Variants in PCDHGB5 observed in about 807,000 individuals in gnomAD.
PCDHGB5 encodes the protein protocadherin gamma subfamily B, 5.
Under a neutral mutation model 62.9 loss-of-function variants are expected in PCDHGB5, and 48 were observed. That is an observed-to-expected ratio of 0.76 (90% confidence interval 0.61 to 0.97). The LOEUF is 0.97. Ranked by LOEUF, PCDHGB5 falls within the 50% of genes least tolerant of loss-of-function variation. PCDHGB5 has a pLI of 0.00. For missense variants in PCDHGB5, 1,118 were observed against 1,198.6 expected (o/e 0.93, Z 0.99); for synonymous variants, 474 against 511.2 (o/e 0.93, Z 0.98).
intron 1 of PCDHGB5, chr5:141,403,769 A>G (rs2094453064): frequency 6.2e-7 from 1 of 1,613,948 alleles, no homozygotes; most frequent in Non-Finnish European, 8.5e-7. Context: ...GGATGAGGGA[A>G]TCAACGGAAA....
chr5:141,457,079 C>T (rs114054058), intron 1 of PCDHGB5, among the ~76,000 whole-genome samples: 2,973 of 152,194 alleles, frequency 0.02, 43 homozygotes, highest in African/African-American at 0.029. Flanking sequence ...AACTATTATC[C>T]CTGCTATAAG....
chr5:141,468,315 C>T (rs1197043569), intron 1 of PCDHGB5: 4 of 120,552 alleles, frequency 3.3e-5, no homozygotes, highest in Non-Finnish European at 5.0e-5. Context: ...ACAAGAGCAA[C>T]GGTAAACTCC....
intron 1 of PCDHGB5, chr5:141,422,833 C>G (rs2096676817): frequency 6.2e-7 from 1 of 1,614,106 alleles, no homozygotes; most frequent in African/African-American, 1.3e-5. Flanking sequence ...AGTGATAGCA[C>G]GTGACAGCGG....
chr5:141,491,322 C>T lies in PCDHGB5; in HGVS notation c.2398-3485C>T. 6.2e-7 allele frequency: 1 copy of T among 1,614,156 alleles called. No individual in the cohort carries two copies. Among genetic ancestry groups the T allele is most frequent in the East Asian group, 2.2e-5 (1 of 44,860 alleles). On this transcript the variant is annotated intron_variant, in intron 1 of 3. Coordinates refer to ENST00000617380, the MANE Select transcript of PCDHGB5 (RefSeq NM_018925.3). This position sits in a 1 kb window ranked among gnomAD's most constrained non-coding sequence, Gnocchi z 6.9. ...AGCGTTCAGACCTTACCCTTTACCT[C>T]ATTGTGGCTCTAGCGACCGTCAGTC...
chr5:141,416,728 T>C (rs2096057160), intron 1 of PCDHGB5: 1 of 152,232 alleles, frequency 6.6e-6, no homozygotes, highest in Non-Finnish European at 1.5e-5. Context: ...GTTCATTTAG[T>C]TCAATGAAAA....
At chr5:141,501,550 A>G (rs1251701030) in intron 2 of PCDHGB5, among the ~76,000 whole-genome samples, 3 of 152,078 alleles carry the variant, frequency 2.0e-5, no homozygotes, top group Non-Finnish European at 4.4e-5. Flanking sequence ...ATAAGATCAT[A>G]GGCCCTGGAA....
intron 1 of PCDHGB5, chr5:141,423,138 C>G (rs767107885): frequency 1.2e-6 from 2 of 1,613,606 alleles, no homozygotes; most frequent in Non-Finnish European, 1.7e-6. Flanking sequence ...TGGACAGAGA[C>G]GCGCTCAAGC....
rs144585584 is a variant in PCDHGB5 at position 141,478,339 on chromosome 5, C to T, written c.2398-16468C>T. 998 of 1,613,918 alleles carry T rather than the reference C, an allele frequency of 6.2e-4. 16 individuals carry two copies. In the East Asian group the frequency reaches 0.019, roughly 31 times the overall value. Reference sequence around the variant, plus strand: ...CACTGTACCGAACACCAGGGCCCTCCTTGCACGCGGACGCCGTGCGGGGAG... The same window carrying T: ...CACTGTACCGAACACCAGGGCCCTCTTTGCACGCGGACGCCGTGCGGGGAG... On this transcript the variant is annotated intron_variant, in intron 1 of 3. Transcript: ENST00000617380.
intron 1 of PCDHGB5, among the ~76,000 whole-genome samples, chr5:141,457,920 C>T (rs1340816332): frequency 6.6e-6 from 1 of 150,868 alleles, no homozygotes; most frequent in Non-Finnish European, 1.5e-5. Flanking sequence ...GCCAGTTCTC[C>T]CCAAGGGGCT....
rs1233148754 is a variant in PCDHGB5, at chr5:141,428,157, T to A, written c.2397+27633T>A. ...CCTGGGGCTGCACACGGGAACCTGC[T>A]GGTTGCTGTGCGTGACGGAGGACAG... On this transcript the variant is annotated intron_variant, in intron 1 of 3. Coordinates refer to ENST00000617380, the MANE Select transcript of PCDHGB5 (RefSeq NM_018925.3). The A allele has an allele frequency of 4.4e-6, 7 of 1,575,024 alleles. No individual in the cohort carries two copies. The East Asian group carries it at 1.6e-4, about 35-fold the overall frequency.
chr5:141,436,594 G>A (rs79477223), intron 1 of PCDHGB5, among the ~76,000 whole-genome samples: 2 of 152,106 alleles, frequency 1.3e-5, no homozygotes, highest in African/African-American at 2.4e-5. Flanking sequence ...AAAGGTCGTG[G>A]TGATGGCTAG....
intron 2 of PCDHGB5, among the ~76,000 whole-genome samples, chr5:141,498,338 G>T (rs2237079): frequency 2.6e-5 from 4 of 151,600 alleles, no homozygotes; most frequent in Non-Finnish European, 5.9e-5. Flanking sequence ...CATTCCAAAT[G>T]GGAAAAGCCT....
Position 141,511,089 on chromosome 5 carries a change from C to T in PCDHGB5, c.2688C>T (p.Thr896=). The change falls in exon 4 of 4, where the codon ACC becomes ACT. Residue 896 remains threonine (T), a synonymous_variant. Transcript: ENST00000617380. ...TCCCAGGCAGCAATGCCACACTGAC[C>T]AACGCAGCTGGCAAGCGGGATGGCA... is the stretch of plus-strand genomic sequence containing the variant. ...VYIPGSNATL[T]NAAGKRDGKA... 1 of 1,614,212 alleles carries T rather than the reference C, an allele frequency of 6.2e-7. No individual in the cohort carries two copies. Among genetic ancestry groups the T allele is most frequent in the Non-Finnish European group, 8.5e-7 (1 of 1,180,026 alleles).
At chr5:141,420,268 T>C (rs375162019) in intron 1 of PCDHGB5, 254 of 1,543,666 alleles carry the variant, frequency 1.6e-4, no homozygotes, top group Non-Finnish European at 2.1e-4. Context: ...AGAAGATTCT[T>C]AAACAGGTAA....
intron 2 of PCDHGB5, 119 bp from the exon 3 acceptor site, chr5:141,505,274 C>T: frequency 6.6e-7 from 1 of 1,524,344 alleles, no homozygotes; most frequent in East Asian, 2.3e-5. Flanking sequence ...CTGAGAGAAA[C>T]AGGTCTTGGG....
chr5:141,465,606 T>C (rs192541390), intron 1 of PCDHGB5, among the ~76,000 whole-genome samples: 22 of 152,338 alleles, frequency 1.4e-4, no homozygotes, highest in African/African-American at 5.3e-4. Context: ...TATCACTCTT[T>C]GGCCCTCCAG....
At chr5:141,503,836 A>G (rs1260399957) in intron 2 of PCDHGB5, among the ~76,000 whole-genome samples, 4 of 152,142 alleles carry the variant, frequency 2.6e-5, no homozygotes, top group Admixed American at 6.5e-5. Flanking sequence ...AAAAGCAGGG[A>G]CAGACCTTGG....
chr5:141,421,760 A>G, intron 1 of PCDHGB5: 1 of 1,613,868 alleles, frequency 6.2e-7, no homozygotes, highest in South Asian at 1.1e-5. Context: ...CCTAATAATT[A>G]CTTTTCCTTG....
intron 1 of PCDHGB5, among the ~76,000 whole-genome samples, chr5:141,448,180 G>C (rs961721974): frequency 1.3e-5 from 2 of 151,998 alleles, no homozygotes; most frequent in African/African-American, 2.4e-5. Flanking sequence ...TTCATCCCTG[G>C]TTATGTACAC....
Sources: gnomAD v4.1 joint callset for allele counts (sites outside exome capture counted in the v4.1 genomes callset) on GRCh38, gnomAD v4.1.1 for gene constraint, Gnocchi (gnomAD v3.1) non-coding constraint, MANE v1.5 for transcripts, NCBI Gene and HGNC (gene_info 2026-07-23, HGNC 2026-07-21) for gene names.